HECW2: variants seen among roughly 807,000 people sequenced by gnomAD.
The protein encoded by HECW2 is E3 ubiquitin-protein ligase HECW2.
In HECW2, 61 loss-of-function variants were observed where a neutral mutation model predicts 175.2. The ratio of observed to expected loss-of-function variants is 0.35; its 90% confidence interval spans 0.28 to 0.43. The LOEUF is 0.43. HECW2 is among the 20% of genes least tolerant of loss of function. HECW2 has a pLI of 1.00. For missense variants in HECW2, 1,524 were observed against 2,000.5 expected (o/e 0.76, Z 4.54); for synonymous variants, 671 against 731.0 (o/e 0.92, Z 1.32).
intron 25 of HECW2, 120 bp downstream of exon 25, chr2:196,220,675 G>A (rs553181358): frequency 1.4e-4 from 152 of 1,087,032 alleles, no homozygotes; most frequent in Admixed American, 3.5e-4. Flanking sequence ...TGAACTTTTC[G>A]CATGGAAAGA....
At chr2:196,485,408 C>T (rs923063702) in intron 1 of HECW2, among the ~76,000 whole-genome samples, 3 of 152,226 alleles carry the variant, frequency 2.0e-5, no homozygotes, top group African/African-American at 7.2e-5. Flanking sequence ...ATTCATTTCT[C>T]ACAGTTCTGG....
At chr2:196,435,249 T>C (rs1303201889) in intron 1 of HECW2, among the ~76,000 whole-genome samples, 5 of 152,232 alleles carry the variant, frequency 3.3e-5, no homozygotes, top group Non-Finnish European at 1.5e-5. Flanking sequence ...TGGTCTATGG[T>C]AACTCTGATA....
intron 2 of HECW2, among the ~76,000 whole-genome samples, chr2:196,414,235 G>A (rs1695193804): frequency 6.6e-6 from 1 of 152,212 alleles, no homozygotes; most frequent in African/African-American, 2.4e-5. Context: ...ACAGACCAGA[G>A]AAAGGCAACA....
chr2:196,521,591 C>T (rs28653096), intron 1 of HECW2, among the ~76,000 whole-genome samples: 5,098 of 148,992 alleles, frequency 0.034, 286 homozygotes, highest in African/African-American at 0.12. Context: ...ACTAACTCAT[C>T]ATCTAGCATT....
chr2:196,460,776 ATTTTT>A lies in HECW2; in HGVS notation c.-35-27323_-35-27319del, dbSNP rs201916150. 4.6e-4 allele frequency among the ~76,000 whole-genome samples: 53 copies of A among 116,124 alleles called. 1 individual carries two copies. The highest frequency in any genetic ancestry group is 1.3e-3 in the African/African-American group (44 of 34,386). The allele number at this position is 116,124 out of a possible 152,430, so 76.2% of individuals were successfully genotyped here. On this transcript the variant is annotated intron_variant, in intron 1 of 28. Coordinates refer to ENST00000644978, the MANE Select transcript of HECW2 (RefSeq NM_001348768.2). ...CAAGCATGCATCACCACACCTGGCA[ATTTTT>A]TTTTTTTTTTTTTTTTTTTTTTTTG...
chr2:196,433,577 G>A (rs929539257), intron 1 of HECW2, 119 bp from the exon 2 acceptor site: 1 of 728,032 alleles, frequency 1.4e-6, no homozygotes, highest in Non-Finnish European at 2.2e-6. Context: ...ATAATCTTCT[G>A]TTGTCAAAAT....
At chr2:196,409,543 T>C (rs1016833083) in intron 2 of HECW2, among the ~76,000 whole-genome samples, 1 of 152,190 alleles carries the variant, frequency 6.6e-6, no homozygotes, top group African/African-American at 2.4e-5. Context: ...TCTGATGCAT[T>C]TGGCCAACGC....
At chr2:196,443,682 A>C (rs1696102600) in intron 1 of HECW2, among the ~76,000 whole-genome samples, 2 of 152,196 alleles carry the variant, frequency 1.3e-5, no homozygotes, top group African/African-American at 4.8e-5. Flanking sequence ...AGAAACGAAA[A>C]CAAGAAAAAC....
chr2:196,363,619 C>T (rs1693662807), intron 2 of HECW2, among the ~76,000 whole-genome samples: 1 of 152,122 alleles, frequency 6.6e-6, no homozygotes, highest in Non-Finnish European at 1.5e-5. Flanking sequence ...TCGCATGAGG[C>T]CAGGAGTTCA....
At chr2:196,477,252 A>G (rs1338680189) in intron 1 of HECW2, among the ~76,000 whole-genome samples, 1 of 152,172 alleles carries the variant, frequency 6.6e-6, no homozygotes, top group Non-Finnish European at 1.5e-5. Flanking sequence ...TAATATGTGG[A>G]AGAATGTTGT....
chr2:196,229,637 C>G (rs1356197396), intron 21 of HECW2, among the ~76,000 whole-genome samples: 1 of 152,054 alleles, frequency 6.6e-6, no homozygotes, highest in Admixed American at 6.6e-5. Context: ...TATGATCACG[C>G]CACTGCACTC....
intron 24 of HECW2, 33 bp downstream of exon 24, chr2:196,222,178 A>G: frequency 6.3e-7 from 1 of 1,598,170 alleles, no homozygotes; most frequent in Non-Finnish European, 8.5e-7. Context: ...TTCAGTTACC[A>G]CACTTAGGCG....
chr2:196,318,408 T>C (rs1691783969), intron 9 of HECW2, 144 bp downstream of exon 9: 2 of 982,536 alleles, frequency 2.0e-6, no homozygotes, highest in Middle Eastern at 3.5e-4. Flanking sequence ...CAATCTTGCC[T>C]CTCTTCTTGC....
intron 1 of HECW2, among the ~76,000 whole-genome samples, chr2:196,538,022 T>C (rs1458692695): frequency 6.6e-6 from 1 of 152,114 alleles, no homozygotes; most frequent in Non-Finnish European, 1.5e-5. Flanking sequence ...TTGTGGGAGA[T>C]CCAAGAACCC....
intron 1 of HECW2, among the ~76,000 whole-genome samples, chr2:196,519,274 C>T (rs986755819): frequency 2.0e-5 from 3 of 152,154 alleles, no homozygotes; most frequent in East Asian, 1.9e-4. Context: ...CTTCCGTCTG[C>T]CACCCTATTC....
chr2:196,272,239 A>G (rs1304173427), intron 16 of HECW2, among the ~76,000 whole-genome samples: 1 of 152,240 alleles, frequency 6.6e-6, no homozygotes, highest in African/African-American at 2.4e-5. Flanking sequence ...CAAACCAACT[A>G]TACCAACAGC....
At chr2:196,393,876 C>T (rs1193747079) in intron 2 of HECW2, among the ~76,000 whole-genome samples, 2 of 152,154 alleles carry the variant, frequency 1.3e-5, no homozygotes, top group Admixed American at 1.3e-4. Context: ...CGGCACTATT[C>T]ACAATAGCAA....
chr2:196,399,720 C>T (rs1008859469), intron 2 of HECW2, among the ~76,000 whole-genome samples: 15 of 152,206 alleles, frequency 9.9e-5, no homozygotes, highest in African/African-American at 2.9e-4. Flanking sequence ...TTCTTTCTAA[C>T]CACACAGTCT....
At chr2:196,354,064 T>C (rs11885820) in intron 2 of HECW2, among the ~76,000 whole-genome samples, 2,158 of 152,252 alleles carry the variant, frequency 0.014, 59 homozygotes, top group African/African-American at 0.049. Context: ...ACTGTGGCCC[T>C]TTGCCCTCTG....
Sources: gnomAD v4.1 joint callset for allele counts (sites outside exome capture counted in the v4.1 genomes callset) on GRCh38, gnomAD v4.1.1 for gene constraint, MANE v1.5 for transcripts, NCBI Gene and HGNC (gene_info 2026-07-23, HGNC 2026-07-21) for gene names.